Variants in IL1RAP observed in about 807,000 individuals in gnomAD.
IL1RAP encodes interleukin 1 receptor accessory protein.
A neutral mutation model predicts 60.7 loss-of-function variants in IL1RAP; 35 were observed. That is an observed-to-expected ratio of 0.58 (90% CI 0.44 to 0.76). The LOEUF (loss-of-function observed/expected upper bound fraction) is 0.76. Among genes scored for constraint, IL1RAP ranks in the 30% least tolerant of loss-of-function variants. IL1RAP has a pLI of 0.00. For synonymous variants in IL1RAP, 268 were observed against 250.9 expected, an observed-to-expected ratio of 1.07 and a Z score of -0.64; for missense variants, 572 against 693.9, an observed-to-expected ratio of 0.82 and a Z score of 1.97.
At chr3:190,516,209 G>A (rs1316901809) in intron 1 of IL1RAP, 4 of 152,220 alleles carry the variant, frequency 2.6e-5, no homozygotes, top group Non-Finnish European at 4.4e-5. Flanking sequence ...GAGCCCAGTG[G>A]TGCCCACTTA....
intron 1 of IL1RAP, among the ~76,000 whole-genome samples, chr3:190,529,334 C>T (rs1333543987): frequency 1.3e-5 from 2 of 151,792 alleles, no homozygotes; most frequent in South Asian, 2.1e-4. Context: ...GTCAGGAGTT[C>T]GAGACCAGCC....
intron 9 of IL1RAP, among the ~76,000 whole-genome samples, chr3:190,634,270 T>C (rs923021365): frequency 2.0e-5 from 3 of 152,048 alleles, no homozygotes; most frequent in East Asian, 1.9e-4. Context: ...GTCACAGATT[T>C]TTGTTCATGT....
At chr3:190,552,634 A>G (rs1577571417) in intron 1 of IL1RAP, among the ~76,000 whole-genome samples, 2 of 152,044 alleles carry the variant, frequency 1.3e-5, no homozygotes, top group Non-Finnish European at 2.9e-5. Flanking sequence ...CACATATACA[A>G]CTACACCCAG....
chr3:190,544,157 G>A (rs1292849216), intron 1 of IL1RAP, among the ~76,000 whole-genome samples: 1 of 152,080 alleles, frequency 6.6e-6, no homozygotes, highest in Non-Finnish European at 1.5e-5. Context: ...CTAACATTAA[G>A]GTCACACAGG....
intron 3 of IL1RAP, among the ~76,000 whole-genome samples, chr3:190,599,051 C>T (rs1729624173): frequency 6.6e-6 from 1 of 152,150 alleles, no homozygotes; most frequent in Admixed American, 6.5e-5. Context: ...CTGTTAATGA[C>T]ATCAGATAAT....
chr3:190,554,991 C>T (rs1430152407), intron 1 of IL1RAP, among the ~76,000 whole-genome samples: 1 of 152,138 alleles, frequency 6.6e-6, no homozygotes, highest in African/African-American at 2.4e-5. Context: ...TCCTTTCTAA[C>T]AGCTTGTAGA....
chr3:190,549,154 C>T (rs1321860389), intron 1 of IL1RAP, among the ~76,000 whole-genome samples: 2 of 152,088 alleles, frequency 1.3e-5, no homozygotes, highest in Non-Finnish European at 2.9e-5. Flanking sequence ...TAGGAGGCTT[C>T]CCGCCTCACA....
At chr3:190,553,394 G>A (rs78764334) in intron 1 of IL1RAP, among the ~76,000 whole-genome samples, 316 of 152,208 alleles carry the variant, frequency 2.1e-3, no homozygotes, top group African/African-American at 6.8e-3. Context: ...CAACCACCAC[G>A]CTTAAAAGTC....
exon 12 of IL1RAP, chr3:190,658,672 G>A (rs1012464983): frequency 1.3e-5 from 2 of 152,242 alleles, no homozygotes; most frequent in Non-Finnish European, 2.9e-5. Flanking sequence ...ATGAGTGTCA[G>A]TGGCTCCCGG....
chr3:190,619,610 A>G (rs747001409), intron 5 of IL1RAP, among the ~76,000 whole-genome samples: 2 of 152,078 alleles, frequency 1.3e-5, no homozygotes, highest in Non-Finnish European at 2.9e-5. Flanking sequence ...CTGTACTCCC[A>G]GCTTCTCAGG....
At chr3:190,522,573 G>T (rs1431404741) in intron 1 of IL1RAP, among the ~76,000 whole-genome samples, 1 of 151,984 alleles carries the variant, frequency 6.6e-6, no homozygotes, top group Admixed American at 6.6e-5. Context: ...TCTTCATTCA[G>T]TGCTGCTGTT....
chr3:190,650,411 A>G lies in IL1RAP; in HGVS notation c.*1706A>G. 2 of 985,410 alleles carry G rather than the reference A, an allele frequency of 2.0e-6. No homozygotes were observed. The highest frequency in any genetic ancestry group is 9.4e-5 in the South Asian group (2 of 21,292). 61.0% of individuals were successfully genotyped at this position (985,410 alleles called of 1,614,324 possible). ...ATTTCCTACTATATTCCCAGCAGAC[A>G]CATTTAGAAACTAAGCTATGTTAAC... is the stretch of plus-strand genomic sequence containing the variant. On this transcript the variant is annotated 3_prime_UTR_variant, in exon 12 of 12. Coordinates refer to ENST00000447382, the MANE Select transcript of IL1RAP (RefSeq NM_002182.4).
rs1214708274 is a variant in IL1RAP, at chr3:190,592,211, G to A, written c.65-11917G>A. On this transcript the variant is annotated intron_variant, in intron 3 of 11. Transcript: ENST00000447382. ...ATGTTTCTATTTTTAGTAGAGACAG[G>A]GTTTCGCCATGTTGGCCAGACTGGT... Among the ~76,000 whole-genome samples, 3 of 152,158 alleles carry A rather than the reference G, an allele frequency of 2.0e-5. No homozygotes were observed. The South Asian group carries it at 6.2e-4, about 32-fold the overall frequency.
intron 1 of IL1RAP, among the ~76,000 whole-genome samples, chr3:190,528,758 G>A (rs1047151435): frequency 1.3e-5 from 2 of 152,196 alleles, no homozygotes; most frequent in Admixed American, 1.3e-4. Context: ...TTGTATTTCA[G>A]AGGAAAGACA....
At chr3:190,562,135 T>A (rs1725941816) in intron 2 of IL1RAP, among the ~76,000 whole-genome samples, 2 of 152,258 alleles carry the variant, frequency 1.3e-5, no homozygotes, top group Non-Finnish European at 2.9e-5. Flanking sequence ...TATACTATTT[T>A]CCATTTGTGT....
Position 190,604,462 on chromosome 3 carries a change from G to C in IL1RAP, c.350+49G>C, listed in dbSNP as rs763791222. 17 of 1,574,164 alleles carry C rather than the reference G, an allele frequency of 1.1e-5. 1 individual carries two copies. In the Admixed American group the frequency reaches 2.7e-4, roughly 25 times the overall value. ...TTTCTCTTTTCCCTTTAGTTTCTGG[G>C]CTCTTTTCCGGATGATCCGTGTGCT... On this transcript the variant is annotated intron_variant, in intron 4 of 11. Transcript: ENST00000447382.
chr3:190,655,558 C>CGT (rs34341875), downstream of IL1RAP, among the ~76,000 whole-genome samples: 35,602 of 130,928 alleles, frequency 0.27, 5,242 homozygotes, highest in East Asian at 0.36. Context: ...AATTGCCCAC[C>CGT]GTGTGTGTGT....
chr3:190,603,309 G>T (rs1267546240), intron 3 of IL1RAP, among the ~76,000 whole-genome samples: 2 of 152,192 alleles, frequency 1.3e-5, no homozygotes, highest in Non-Finnish European at 2.9e-5. Context: ...GGAATTTAAA[G>T]AATTGAGTGA....
chr3:190,540,890 ATACG>A (rs1723878752), intron 1 of IL1RAP, among the ~76,000 whole-genome samples: 1 of 152,058 alleles, frequency 6.6e-6, no homozygotes, highest in Non-Finnish European at 1.5e-5. Flanking sequence ...AGCCCATTAC[ATACG>A]TGTTTTCAAG....
Sources: allele counts gnomAD v4.1 joint callset (sites outside exome capture counted in the v4.1 genomes callset), GRCh38; gene constraint gnomAD v4.1.1; transcripts MANE v1.5; gene names NCBI Gene and HGNC (gene_info 2026-07-23, HGNC 2026-07-21).